The following IL5RA variants were observed in gnomAD, a reference collection of about 807,000 sequenced individuals.
IL5RA encodes interleukin-5 receptor subunit alpha.
Under a neutral mutation model 50.0 loss-of-function variants are expected in IL5RA, and 49 were observed. The observed-to-expected ratio is 0.98, with a 90% CI of 0.78 to 1.24. IL5RA has a LOEUF of 1.24. Among genes scored for constraint, IL5RA ranks in the 50% most tolerant of loss-of-function variants. IL5RA has a pLI of 0.00. For synonymous variants in IL5RA, 202 were observed against 174.0 expected (o/e 1.16, Z -1.26); for missense variants, 600 against 500.4 (o/e 1.20, Z -1.90).
chr3:3,085,833 T>C (rs1316099937), intron 9 of IL5RA, among the ~76,000 whole-genome samples: 1 of 152,050 alleles, frequency 6.6e-6, no homozygotes, highest in Non-Finnish European at 1.5e-5. Flanking sequence ...CAGCTCAAAC[T>C]CCGACAGGAA....
intron 11 of IL5RA, among the ~76,000 whole-genome samples, chr3:3,070,832 C>T (rs543148972): frequency 1.3e-4 from 20 of 152,172 alleles, no homozygotes; most frequent in African/African-American, 3.4e-4. Flanking sequence ...CCCCCCGCCT[C>T]GGCCTCCCAA....
chr3:3,083,098 C>G (rs577842830), intron 9 of IL5RA, among the ~76,000 whole-genome samples: 1 of 152,300 alleles, frequency 6.6e-6, no homozygotes, highest in African/African-American at 2.4e-5. Flanking sequence ...CAGGGTTTAA[C>G]TAGCTTCCTG....
At position 3,100,983 on chromosome 3, in the gene IL5RA, T is replaced by C. The variant is rs1160028493; in HGVS notation, c.367+709A>G. 1.6e-4 allele frequency among the ~76,000 whole-genome samples: 9 copies of C among 55,760 alleles called. 1 individual carries two copies. The Middle Eastern group carries it at 0.032, about 200-fold the overall frequency. The allele number at this position is 55,760 out of a possible 152,430, so 36.6% of individuals were successfully genotyped here. On this transcript the variant is annotated intron_variant, in intron 5 of 11. Coordinates refer to ENST00000446632, the MANE Select transcript of IL5RA (RefSeq NM_175726.4). ...CCAACATGGCAAAACCCCATCTCAA[T>C]AATAATAATAATAATAATAATAATA...
intron 5 of IL5RA, among the ~76,000 whole-genome samples, chr3:3,099,301 C>A (rs1226620036): frequency 6.6e-6 from 1 of 152,082 alleles, no homozygotes; most frequent in East Asian, 1.9e-4. Context: ...AGTTTGAGAC[C>A]AGCCCAGGCA....
chr3:3,096,404 G>A (rs1703370922), intron 7 of IL5RA, among the ~76,000 whole-genome samples: 1 of 152,126 alleles, frequency 6.6e-6, no homozygotes, highest in South Asian at 2.1e-4. Context: ...GAGGTGAGGG[G>A]AAATGAATTC....
intron 3 of IL5RA, among the ~76,000 whole-genome samples, chr3:3,103,734 A>T (rs1350017638): frequency 1.3e-5 from 2 of 152,228 alleles, no homozygotes; most frequent in East Asian, 1.9e-4. Flanking sequence ...AAGAAAATAA[A>T]TTTTTTAAAA....
chr3:3,090,546 C>CTTTTTTTTTTTTTCT (rs1703043672), intron 9 of IL5RA, among the ~76,000 whole-genome samples: 1 of 131,618 alleles, frequency 7.6e-6, no homozygotes, highest in Non-Finnish European at 1.6e-5. Flanking sequence ...TTTGAATTTT[C>CTTTTTTTTTTTTTCT]TTTTTTTTTT....
At chr3:3,071,845 C>G (rs553876185) in intron 11 of IL5RA, among the ~76,000 whole-genome samples, 1 of 152,152 alleles carries the variant, frequency 6.6e-6, no homozygotes, top group Non-Finnish European at 1.5e-5. Flanking sequence ...CCATTTTGGC[C>G]TCTCAAAGTG....
Position 3,092,241 on chromosome 3 carries a change from C to G in IL5RA, c.977G>C (p.Ser326Thr). ...CTACTTACCCACATAAATAGGTTGGCTCCACTCACTCCAGAGCCCTGCCTC... is the reference window on the plus strand; with the variant it reads ...CTACTTACCCACATAAATAGGTTGGGTCCACTCACTCCAGAGCCCTGCCTC... ...CREAGLWSEW[S>T]QPIYVGNDEH... Residue 326 changes from serine (S) to threonine (T), a missense_variant, in exon 9 of 12, where the codon AGC (serine) becomes ACC (threonine). Coordinates refer to ENST00000446632, the MANE Select transcript of IL5RA (RefSeq NM_175726.4). This position sits in a 1 kb window ranked among gnomAD's most constrained non-coding sequence, Gnocchi z 4.2. The G allele has an allele frequency of 6.2e-7, 1 of 1,613,948 alleles. No individual in the cohort carries two copies.
intron 11 of IL5RA, chr3:3,073,676 A>G: frequency 3.0e-6 from 1 of 335,278 alleles, no homozygotes; most frequent in South Asian, 2.4e-5. Context: ...AAATAAATGG[A>G]GTGATATGCT....
In IL5RA at chr3:3,069,003, G is replaced by C. The variant is rs1009898679; in HGVS notation, c.*1222C>G. The C allele has an allele frequency of 1.3e-5, 2 of 152,202 alleles. No individual in the cohort carries two copies. The highest frequency in any genetic ancestry group is 4.8e-5 in the African/African-American group (2 of 41,434). 9.4% of individuals were successfully genotyped at this position (152,202 alleles called of 1,614,324 possible). ...CAAACCTGGAAATATATGGTAGTCA[G>C]TGTGTCCCCACCGATGGATCAAAAC... On this transcript the variant is annotated 3_prime_UTR_variant, in exon 12 of 12. Coordinates refer to ENST00000446632, the MANE Select transcript of IL5RA (RefSeq NM_175726.4).
chr3:3,078,834 CAAAA>C (rs371826442), intron 9 of IL5RA, among the ~76,000 whole-genome samples: 98 of 135,744 alleles, frequency 7.2e-4, no homozygotes, highest in Middle Eastern at 3.8e-3. Context: ...GACTCCGTCT[CAAAA>C]AAAAAAAAAA....
intron 9 of IL5RA, among the ~76,000 whole-genome samples, chr3:3,082,663 C>T (rs760651980): frequency 3.3e-5 from 5 of 152,182 alleles, no homozygotes; most frequent in Non-Finnish European, 7.3e-5. Context: ...TGCAGGTGGG[C>T]TGGGACAGTG....
chr3:3,090,570 C>CTTTTTT (rs35917277), intron 9 of IL5RA, among the ~76,000 whole-genome samples: 4 of 113,684 alleles, frequency 3.5e-5, no homozygotes, highest in African/African-American at 6.6e-5. Flanking sequence ...TCTTTTCTTT[C>CTTTTTT]TTTTTTTTTT....
chr3:3,072,685 C>A (rs186514744), intron 11 of IL5RA, among the ~76,000 whole-genome samples: 150 of 152,156 alleles, frequency 9.9e-4, no homozygotes, highest in Non-Finnish European at 1.6e-3. Flanking sequence ...TTTGGGAAGG[C>A]TGGATCACTT....
intron 5 of IL5RA, among the ~76,000 whole-genome samples, chr3:3,101,187 A>C (rs1449099268): frequency 1.3e-5 from 2 of 151,884 alleles, no homozygotes; most frequent in African/African-American, 4.8e-5. Flanking sequence ...TCAAAAAAAA[A>C]AAAAAAAAGT....
Position 3,105,284 on chromosome 3 carries a change from A to G in IL5RA, c.-3-297T>C, listed in dbSNP as rs544880868. On this transcript the variant is annotated intron_variant, in intron 2 of 11. Coordinates refer to ENST00000446632, the MANE Select transcript of IL5RA (RefSeq NM_175726.4). ...AGCAGAGACTTCTGATTTGCCATCT[A>G]AAGGGTGAACTAGAGTCCTTGACGC... Among the ~76,000 whole-genome samples the G allele has an allele frequency of 3.9e-5, 6 of 152,330 alleles. No homozygotes were observed. In the South Asian group the frequency reaches 8.3e-4, roughly 21 times the overall value.
intron 9 of IL5RA, among the ~76,000 whole-genome samples, chr3:3,090,798 C>T (rs138386629): frequency 6.6e-6 from 1 of 152,042 alleles, no homozygotes; most frequent in Non-Finnish European, 1.5e-5. Flanking sequence ...TGGTCTCGAT[C>T]TCCTGACCTC....
At position 3,068,587 on chromosome 3, in the gene IL5RA, C is replaced by CAAAAAAAAAAAAA. The variant is rs760670295; in HGVS notation, c.*1625_*1637dup. 3.7e-4 allele frequency: 13 copies of CAAAAAAAAAAAAA among 35,610 alleles called. 1 individual carries two copies. Among genetic ancestry groups the CAAAAAAAAAAAAA allele is most frequent in the African/African-American group, 1.1e-3 (13 of 11,336 alleles). 2.2% of individuals were successfully genotyped at this position (35,610 alleles called of 1,614,324 possible). A position where few individuals can be genotyped will look rare whatever the true frequency, so the allele number is the denominator to read the frequency against. On this transcript the variant is annotated 3_prime_UTR_variant, in exon 12 of 12. Coordinates refer to ENST00000446632, the MANE Select transcript of IL5RA (RefSeq NM_175726.4). ...AAGACTGTCTCCACCACCCACCCCA[C>CAAAAAAAAAAAAA]AAAAAAAAAAAAAAAAAAAAACAAA... is the stretch of plus-strand genomic sequence containing the variant.
Sources: allele counts gnomAD v4.1 joint callset (sites outside exome capture counted in the v4.1 genomes callset), GRCh38; gene constraint gnomAD v4.1.1; non-coding constraint Gnocchi (gnomAD v3.1); transcripts MANE v1.5; gene names NCBI Gene and HGNC (gene_info 2026-07-23, HGNC 2026-07-21).